The following PEAK1 variants were observed in gnomAD, a reference collection of about 807,000 sequenced individuals.
PEAK1 encodes pseudopodium enriched atypical kinase 1.
Under a neutral mutation model 124.7 loss-of-function variants are expected in PEAK1, and 54 were observed. The ratio of observed to expected loss-of-function variants is 0.43; its 90% confidence interval spans 0.35 to 0.54. The LOEUF (loss-of-function observed/expected upper bound fraction) is 0.54. Among genes scored for constraint, PEAK1 ranks in the 20% least tolerant of loss-of-function variants. The pLI, the probability that PEAK1 is intolerant of heterozygous loss-of-function variation, is 0.01. For missense variants in PEAK1, 2,046 were observed against 2,134.5 expected (o/e 0.96, Z 0.82); for synonymous variants, 719 against 760.0 (o/e 0.95, Z 0.89).
chr15:77,136,385 G>A (rs2053329996), intron 8 of PEAK1, among the ~76,000 whole-genome samples: 2 of 152,192 alleles, frequency 1.3e-5, no homozygotes, highest in African/African-American at 4.8e-5. Context: ...AGAAAATTTG[G>A]TTTGGCGCAG....
chr15:77,304,209 T>C (rs1418700410), intron 2 of PEAK1, among the ~76,000 whole-genome samples: 1 of 152,182 alleles, frequency 6.6e-6, no homozygotes, highest in Non-Finnish European at 1.5e-5. Context: ...TGTTGACGTC[T>C]ACAAAATAGC....
intron 8 of PEAK1, among the ~76,000 whole-genome samples, chr15:77,140,185 T>C (rs1471910801): frequency 2.6e-5 from 4 of 152,160 alleles, no homozygotes; most frequent in Non-Finnish European, 5.9e-5. Context: ...TTAATACCAA[T>C]CCTTTGAAAA....
intron 5 of PEAK1, among the ~76,000 whole-genome samples, chr15:77,274,106 AC>A (rs2062179904): frequency 6.6e-6 from 1 of 152,178 alleles, no homozygotes; most frequent in African/African-American, 2.4e-5. Flanking sequence ...CTCATCTCTC[AC>A]CTTATACAAA....
chr15:77,319,982 T>C (rs1253692767), intron 2 of PEAK1, among the ~76,000 whole-genome samples: 2 of 152,184 alleles, frequency 1.3e-5, no homozygotes, highest in East Asian at 1.9e-4. Context: ...AATAACAAAA[T>C]GCCTTCTTTG....
chr15:77,146,426 T>C (rs1363024961), intron 8 of PEAK1, among the ~76,000 whole-genome samples: 2 of 152,268 alleles, frequency 1.3e-5, no homozygotes, highest in Non-Finnish European at 2.9e-5. Context: ...GTCAGTCGTA[T>C]AGCAGCTGGC....
rs538043570 is a variant in PEAK1, at chr15:77,161,656, A to G, written c.3138-2960T>C. ...ATGTCATGTCTTAATGCTTAAAGGA[A>G]GAATAGCTCTTTGTATGATTAAAAT... On this transcript the variant is annotated intron_variant, in intron 7 of 9. Coordinates refer to ENST00000682557, the MANE Select transcript of PEAK1 (RefSeq NM_001385026.1). 7.9e-5 allele frequency among the ~76,000 whole-genome samples: 12 copies of G among 152,318 alleles called. No individual in the cohort carries two copies. The South Asian group carries it at 2.5e-3, about 32-fold the overall frequency.
chr15:77,299,190 TAA>T (rs2063663696), intron 2 of PEAK1, among the ~76,000 whole-genome samples: 1 of 152,232 alleles, frequency 6.6e-6, no homozygotes, highest in South Asian at 2.1e-4. Context: ...TTTAATATCT[TAA>T]TTTTCTTCAA....
intron 2 of PEAK1, chr15:77,350,820 T>C: frequency 1.0e-6 from 1 of 979,976 alleles, no homozygotes; most frequent in African/African-American, 1.7e-5. Flanking sequence ...AAATTGATAA[T>C]TTGTAATTGG....
intron 6 of PEAK1, among the ~76,000 whole-genome samples, chr15:77,244,082 G>GA (rs2060474167): frequency 6.6e-6 from 1 of 151,946 alleles, no homozygotes; most frequent in African/African-American, 2.4e-5. Flanking sequence ...ACTCCTTTAT[G>GA]AAAAAAATTA....
Position 77,296,909 on chromosome 15 carries a change from A to G in PEAK1, c.-602-10405T>C, listed in dbSNP as rs564150309. On this transcript the variant is annotated intron_variant, in intron 2 of 9. Coordinates refer to ENST00000682557, the MANE Select transcript of PEAK1 (RefSeq NM_001385026.1). The stretch of plus-strand genomic sequence containing the variant: ...CACACACAGAACTTTGGCCCAAAGT[A>G]CCAAGTACTACAGCTTAGAGAATGC... Among the ~76,000 whole-genome samples, 83 of 151,970 alleles carry G rather than the reference A, an allele frequency of 5.5e-4. 1 individual carries two copies. The highest frequency in any genetic ancestry group is 1.9e-3 in the African/African-American group (80 of 41,246).
chr15:77,243,708 G>A (rs988084557), intron 6 of PEAK1, among the ~76,000 whole-genome samples: 4 of 152,226 alleles, frequency 2.6e-5, no homozygotes, highest in Middle Eastern at 3.4e-3. Flanking sequence ...GGTGGCTTAC[G>A]CCTGTAATCC....
chr15:77,363,479 C>G (rs907327377), intron 2 of PEAK1, among the ~76,000 whole-genome samples: 1 of 152,164 alleles, frequency 6.6e-6, no homozygotes, highest in Non-Finnish European at 1.5e-5. Flanking sequence ...CACTCCTAGC[C>G]TTTGCACCTT....
chr15:77,416,472 G>C (rs999625748), intron 1 of PEAK1, among the ~76,000 whole-genome samples: 7 of 152,026 alleles, frequency 4.6e-5, no homozygotes, highest in Admixed American at 1.3e-4. Flanking sequence ...TTCCAGTTTT[G>C]TCCCTCTCTA....
chr15:77,284,891 A>AACACACACACACACAC (rs72078461), intron 4 of PEAK1, 67 bp downstream of exon 4: 4 of 139,862 alleles, frequency 2.9e-5, no homozygotes, highest in Admixed American at 2.2e-4. Flanking sequence ...TCTCTACTAA[A>AACACACACACACACAC]ACACACACAC....
intron 6 of PEAK1, among the ~76,000 whole-genome samples, chr15:77,248,709 C>T (rs1359568899): frequency 1.3e-5 from 2 of 152,292 alleles, no homozygotes; most frequent in South Asian, 2.1e-4. Context: ...GTTTTCAAGC[C>T]ACCCAGTTTA....
At chr15:77,417,671 G>A (rs2072999281) in intron 1 of PEAK1, 1 of 985,400 alleles carries the variant, frequency 1.0e-6, no homozygotes, top group Non-Finnish European at 1.2e-6. Flanking sequence ...TGATTTGGCA[G>A]GTATCAACAC....
chr15:77,145,544 T>A (rs2054117919), intron 8 of PEAK1, among the ~76,000 whole-genome samples: 1 of 152,060 alleles, frequency 6.6e-6, no homozygotes, highest in Non-Finnish European at 1.5e-5. Flanking sequence ...ATCATTACAG[T>A]CTTAGGGTGC....
At chr15:77,234,455 T>A (rs1399785439) in intron 6 of PEAK1, among the ~76,000 whole-genome samples, 2 of 152,168 alleles carry the variant, frequency 1.3e-5, no homozygotes, top group South Asian at 4.1e-4. Flanking sequence ...GCAAATAATT[T>A]AATTTTTATA....
intron 6 of PEAK1, among the ~76,000 whole-genome samples, chr15:77,185,448 G>A (rs903990386): frequency 1.3e-5 from 2 of 152,182 alleles, no homozygotes; most frequent in Non-Finnish European, 2.9e-5. Context: ...AAGGTGTGAT[G>A]ACACAGAAGC....
Sources: allele counts gnomAD v4.1 joint callset (sites outside exome capture counted in the v4.1 genomes callset), GRCh38; gene constraint gnomAD v4.1.1; transcripts MANE v1.5; gene names NCBI Gene and HGNC (gene_info 2026-07-23, HGNC 2026-07-21).